FOXP2: variants seen among roughly 807,000 people sequenced by gnomAD.
FOXP2 encodes forkhead box P2.
Under a neutral mutation model 115.8 loss-of-function variants are expected in FOXP2, and 12 were observed. That is an observed-to-expected ratio of 0.10 (90% confidence interval 0.07 to 0.17). The LOEUF is 0.17. Ranked by LOEUF, FOXP2 falls within the 10% of genes least tolerant of loss-of-function variation. FOXP2 has a pLI of 1.00. For missense variants in FOXP2, 629 were observed against 843.5 expected (o/e 0.75, Z 3.15); for synonymous variants, 328 against 297.7 (o/e 1.10, Z -1.05).
intron 13 of FOXP2, among the ~76,000 whole-genome samples, chr7:114,661,193 A>C (rs1024390120): frequency 1.3e-5 from 2 of 151,998 alleles, no homozygotes; most frequent in Non-Finnish European, 2.9e-5. Context: ...AGTACTTGAT[A>C]GCTATATGCC....
intron 2 of FOXP2, among the ~76,000 whole-genome samples, chr7:114,443,593 T>C (rs1794702786): frequency 6.6e-6 from 1 of 152,130 alleles, no homozygotes; most frequent in African/African-American, 2.4e-5. Context: ...CTATCTCAAG[T>C]AGGCCTGGTG....
chr7:114,575,433 T>C (rs1337713976), intron 3 of FOXP2, among the ~76,000 whole-genome samples: 1 of 151,872 alleles, frequency 6.6e-6, no homozygotes, highest in Non-Finnish European at 1.5e-5. Context: ...TTGGACATTG[T>C]ACCTTGGGTC....
intron 1 of FOXP2, among the ~76,000 whole-genome samples, chr7:114,132,570 T>TGA (rs1791912924): frequency 1.5e-5 from 2 of 132,246 alleles, no homozygotes; most frequent in South Asian, 2.7e-4. Flanking sequence ...TGTGTGTGTG[T>TGA]GTGTGTGTGT....
chr7:114,453,063 G>A (rs901075896), intron 2 of FOXP2, among the ~76,000 whole-genome samples: 2 of 151,984 alleles, frequency 1.3e-5, no homozygotes, highest in African/African-American at 4.8e-5. Flanking sequence ...TTCCAGAAAC[G>A]AAAAACTGAG....
chr7:114,488,097 G>A (rs1796874456), intron 2 of FOXP2, among the ~76,000 whole-genome samples: 1 of 152,172 alleles, frequency 6.6e-6, no homozygotes, highest in African/African-American at 2.4e-5. Context: ...CATGGCTGGG[G>A]AGGACTCACA....
intron 1 of FOXP2, among the ~76,000 whole-genome samples, chr7:114,420,618 T>C (rs973254304): frequency 6.6e-6 from 1 of 151,890 alleles, no homozygotes; most frequent in Non-Finnish European, 1.5e-5. Context: ...ATCTAAGACA[T>C]ACAGTTAGAT....
chr7:114,465,971 A>C (rs1309898332), intron 2 of FOXP2, among the ~76,000 whole-genome samples: 1 of 152,150 alleles, frequency 6.6e-6, no homozygotes, highest in Non-Finnish European at 1.5e-5. Context: ...CCTTCCTGAG[A>C]GTCTTACCCA....
At chr7:114,435,327 C>T (rs955775204) in intron 2 of FOXP2, among the ~76,000 whole-genome samples, 2 of 151,738 alleles carry the variant, frequency 1.3e-5, no homozygotes, top group South Asian at 2.1e-4. Context: ...GAGGATCAAT[C>T]GGCAGAAAAA....
intron 14 of FOXP2, 105 bp downstream of exon 14, chr7:114,662,291 T>G: frequency 5.5e-6 from 8 of 1,456,160 alleles, no homozygotes; most frequent in Non-Finnish European, 7.7e-6. Context: ...AATGGCATGC[T>G]AACATTCTCG....
chr7:114,327,874 G>A (rs1797597440), intron 2 of FOXP2, among the ~76,000 whole-genome samples: 1 of 148,744 alleles, frequency 6.7e-6, no homozygotes, highest in Admixed American at 6.7e-5. Flanking sequence ...TTTTCACTAT[G>A]TAAGTTTTAT....
chr7:114,314,684 C>T (rs1325683359), intron 2 of FOXP2, among the ~76,000 whole-genome samples: 1 of 152,120 alleles, frequency 6.6e-6, no homozygotes, highest in Non-Finnish European at 1.5e-5. Context: ...ACCTAATAAG[C>T]ACTTGCTGAA....
intron 3 of FOXP2, among the ~76,000 whole-genome samples, chr7:114,602,627 G>C (rs561367400): frequency 6.6e-6 from 1 of 152,066 alleles, no homozygotes; most frequent in South Asian, 2.1e-4. Context: ...CACCCCCAAA[G>C]CCTCCTTAAA....
intron 1 of FOXP2, among the ~76,000 whole-genome samples, chr7:114,107,630 G>A (rs1210529379): frequency 6.6e-6 from 1 of 151,918 alleles, no homozygotes; most frequent in East Asian, 1.9e-4. Context: ...GAAAGGTTTG[G>A]CAAGTGATAC....
At chr7:114,408,983 A>G (rs1030517120) in intron 2 of FOXP2, among the ~76,000 whole-genome samples, 3 of 152,036 alleles carry the variant, frequency 2.0e-5, no homozygotes, top group Non-Finnish European at 4.4e-5. Context: ...ATCATTTATC[A>G]TAAACAAAAT....
intron 2 of FOXP2, among the ~76,000 whole-genome samples, chr7:114,479,815 G>GT (rs1266322724): frequency 6.6e-6 from 1 of 151,272 alleles, no homozygotes; most frequent in Non-Finnish European, 1.5e-5. Flanking sequence ...CTTAATATAG[G>GT]TTACCGCAGC....
chr7:114,568,486 T>C (rs1001447995), intron 3 of FOXP2, among the ~76,000 whole-genome samples: 1 of 151,750 alleles, frequency 6.6e-6, no homozygotes, highest in African/African-American at 2.4e-5. Context: ...GTCAAGGTTA[T>C]CGTTTCGTTA....
At chr7:114,482,831 A>T (rs1187630542) in intron 2 of FOXP2, among the ~76,000 whole-genome samples, 2 of 151,674 alleles carry the variant, frequency 1.3e-5, no homozygotes, top group East Asian at 3.8e-4. Context: ...AAAACAATGG[A>T]GACATGGTTT....
chr7:114,535,363 A>G (rs990089295), intron 3 of FOXP2, among the ~76,000 whole-genome samples: 2 of 151,424 alleles, frequency 1.3e-5, no homozygotes, highest in African/African-American at 4.8e-5. Context: ...TTTTTAAGGT[A>G]TATTTTTTGA....
At chr7:114,356,939 A>G (rs2129186853) in intron 2 of FOXP2, among the ~76,000 whole-genome samples, 1 of 152,268 alleles carries the variant, frequency 6.6e-6, no homozygotes, top group Admixed American at 6.5e-5. Context: ...TATTATGTGA[A>G]GAGGGGGCAA....
Sources: allele counts gnomAD v4.1 joint callset (sites outside exome capture counted in the v4.1 genomes callset), GRCh38; gene constraint gnomAD v4.1.1; transcripts MANE v1.5; gene names NCBI Gene and HGNC (gene_info 2026-07-23, HGNC 2026-07-21).